Variants in CFAP263 observed in about 807,000 individuals in gnomAD.
CFAP263 encodes the protein cilia and flagella associated protein 263.
the CFAP263 span, among the ~76,000 whole-genome samples, chr16:58,264,795 A>G: frequency 3.3e-5 from 5 of 152,370 alleles, no homozygotes; most frequent in African/African-American, 1.2e-4. Context: ...CAGCAATCAG[A>G]AAATGAAAAT....
At chr16:58,278,784 G>A in the CFAP263 span, 2 of 710,738 alleles carry the variant, frequency 2.8e-6, no homozygotes, top group Non-Finnish European at 2.3e-6. Context: ...ATTAAACCAA[G>A]ACGAAGGATG....
the CFAP263 span, chr16:58,254,115 C>T: frequency 9.3e-6 from 15 of 1,614,076 alleles, no homozygotes; most frequent in African/African-American, 2.7e-5. Context: ...GGATGACTTA[C>T]GACACACAAG....
chr16:58,269,696 G>A, the CFAP263 span, among the ~76,000 whole-genome samples: 797 of 152,254 alleles, frequency 5.2e-3, 11 homozygotes, highest in African/African-American at 0.018. Context: ...TCGTTGTGTA[G>A]ATAGACCACA....
At chr16:58,280,266 G>A in the CFAP263 span, 19 of 1,613,754 alleles carry the variant, frequency 1.2e-5, no homozygotes, top group African/African-American at 2.5e-4. Context: ...AGGAAACCAA[G>A]ATGATTTCTT....
At chr16:58,265,755 T>C in the CFAP263 span, among the ~76,000 whole-genome samples, 1 of 152,216 alleles carries the variant, frequency 6.6e-6, no homozygotes, top group African/African-American at 2.4e-5. Context: ...AGGAAGTGAA[T>C]GCAGTCCTTT....
chr16:58,254,043 G>C, the CFAP263 span: 3 of 1,614,198 alleles, frequency 1.9e-6, no homozygotes, highest in African/African-American at 1.3e-5. Context: ...TATGGACCGT[G>C]GGGTAGGCCT....
chr16:58,262,804 TAGAC>T, the CFAP263 span, among the ~76,000 whole-genome samples: 4 of 151,304 alleles, frequency 2.6e-5, no homozygotes, highest in African/African-American at 4.9e-5. Flanking sequence ...GATAGATAGA[TAGAC>T]AGATGCTTAG....
the CFAP263 span, among the ~76,000 whole-genome samples, chr16:58,265,097 G>C: frequency 5.1e-4 from 77 of 152,328 alleles, no homozygotes; most frequent in Non-Finnish European, 5.1e-4. Context: ...AGTCACTCCA[G>C]ACTGCCTGTA....
the CFAP263 span, among the ~76,000 whole-genome samples, chr16:58,270,661 G>A: frequency 6.6e-6 from 1 of 152,024 alleles, no homozygotes; most frequent in Non-Finnish European, 1.5e-5. Flanking sequence ...TGTGCTTTTG[G>A]TGTCATATAT....
the CFAP263 span, among the ~76,000 whole-genome samples, chr16:58,258,107 CAA>C: frequency 2.1e-4 from 17 of 82,310 alleles, no homozygotes; most frequent in Admixed American, 3.3e-4. Flanking sequence ...GACTCTGTCT[CAA>C]AAAAAAAAAA....
chr16:58,274,176 C>T, the CFAP263 span, among the ~76,000 whole-genome samples: 1 of 152,198 alleles, frequency 6.6e-6, no homozygotes, highest in African/African-American at 2.4e-5. Context: ...AAGGTGTTGC[C>T]AGTCTTTGAG....
the CFAP263 span, among the ~76,000 whole-genome samples, chr16:58,258,031 C>A: frequency 6.7e-6 from 1 of 149,540 alleles, no homozygotes; most frequent in African/African-American, 2.5e-5. Flanking sequence ...TTGCTCGAAC[C>A]GAGGAGGCGG....
chr16:58,252,738 C>G, the CFAP263 span: 11 of 1,613,344 alleles, frequency 6.8e-6, no homozygotes, highest in Non-Finnish European at 9.3e-6. Context: ...TATGTAAACT[C>G]TGCTCTCAAA....
At chr16:58,267,579 TAG>T in the CFAP263 span, 1 of 1,599,676 alleles carries the variant, frequency 6.3e-7, no homozygotes, top group Admixed American at 1.7e-5. Flanking sequence ...ACACTACAAG[TAG>T]AGGAGGTAGG....
chr16:58,257,806 C>T, the CFAP263 span, among the ~76,000 whole-genome samples: 6 of 152,128 alleles, frequency 3.9e-5, no homozygotes, highest in Middle Eastern at 3.4e-3. Flanking sequence ...TATGGAAATA[C>T]ATATTTAGAT....
the CFAP263 span, chr16:58,267,495 C>T: frequency 1.9e-6 from 3 of 1,612,710 alleles, no homozygotes; most frequent in African/African-American, 4.0e-5. Context: ...CTTCACAAGG[C>T]AATGGAAATA....
the CFAP263 span, among the ~76,000 whole-genome samples, chr16:58,260,139 G>A: frequency 8.3e-4 from 127 of 152,250 alleles, no homozygotes; most frequent in Non-Finnish European, 1.3e-3. Flanking sequence ...TACCTGGGTG[G>A]GCCCTATATA....
the CFAP263 span, among the ~76,000 whole-genome samples, chr16:58,265,027 C>T: frequency 3.9e-5 from 6 of 152,132 alleles, no homozygotes; most frequent in Non-Finnish European, 8.8e-5. Flanking sequence ...TGACTTTATG[C>T]CCTCAAGCCC....
chr16:58,281,959 C>T, the CFAP263 span: 1 of 152,236 alleles, frequency 6.6e-6, no homozygotes, highest in Non-Finnish European at 1.5e-5. Context: ...TCTCCCACCT[C>T]AGCCTCTCGA....
Sources: gnomAD v4.1 joint callset for allele counts (sites outside exome capture counted in the v4.1 genomes callset) on GRCh38, gnomAD v4.1.1 for gene constraint, MANE v1.5 for transcripts, NCBI Gene and HGNC (gene_info 2026-07-23, HGNC 2026-07-21) for gene names.